Variants in GXYLT1 observed in about 807,000 individuals in gnomAD.
GXYLT1 encodes glucoside xylosyltransferase 1.
Under a neutral mutation model 54.0 loss-of-function variants are expected in GXYLT1, and 29 were observed. The ratio of observed to expected loss-of-function variants is 0.54; its 90% CI spans 0.40 to 0.73. The LOEUF (loss-of-function observed/expected upper bound fraction) is 0.73, where lower values mean the gene tolerates loss of function less well. Among genes scored for constraint, GXYLT1 ranks in the 30% least tolerant of loss-of-function variants. The pLI, the probability that GXYLT1 is intolerant of heterozygous loss-of-function variation, is 0.00. For synonymous variants in GXYLT1, 176 were observed against 204.1 expected, an observed-to-expected ratio of 0.86 and a Z score of 1.17; for missense variants, 490 against 553.4, an observed-to-expected ratio of 0.89 and a Z score of 1.15.
intron 1 of GXYLT1, among the ~76,000 whole-genome samples, chr12:42,135,909 G>A (rs1252765372): frequency 2.0e-5 from 3 of 152,002 alleles, no homozygotes; most frequent in African/African-American, 7.3e-5. Flanking sequence ...TCAAGTTATA[G>A]GTAAATTTAT....
rs891003754 is a variant in GXYLT1 at position 42,094,659 on chromosome 12, GA to G, written c.1161+2782del. Among the ~76,000 whole-genome samples, 144 of 134,622 alleles carry G rather than the reference GA, an allele frequency of 1.1e-3. 1 individual carries two copies. The highest frequency in any genetic ancestry group is 2.3e-3 in the South Asian group (10 of 4,294). The allele number at this position is 134,622 out of a possible 152,430, so 88.3% of individuals were successfully genotyped here. ...GGGTGACAGAGCAAGACCCAGCAGT[GA>G]AAAAAAAAAAAATTGATAAACTTAT... On this transcript the variant is annotated intron_variant, in intron 7 of 7. Transcript: ENST00000398675.
At chr12:42,111,031 A>G (rs2136895555) in intron 3 of GXYLT1, among the ~76,000 whole-genome samples, 1 of 152,336 alleles carries the variant, frequency 6.6e-6, no homozygotes, top group African/African-American at 2.4e-5. Flanking sequence ...TAATGCAATA[A>G]ATGTTTTACT....
chr12:42,115,509 A>G (rs982459040), intron 3 of GXYLT1, among the ~76,000 whole-genome samples: 17 of 152,242 alleles, frequency 1.1e-4, no homozygotes, highest in Admixed American at 6.5e-4. Context: ...GAGCCAAATC[A>G]TGAGTGAACT....
At chr12:42,120,110 T>C (rs2065521740) in intron 2 of GXYLT1, among the ~76,000 whole-genome samples, 1 of 152,152 alleles carries the variant, frequency 6.6e-6, no homozygotes, top group Admixed American at 6.5e-5. Flanking sequence ...GGTCTTTCAT[T>C]CAATTTTTTA....
At chr12:42,126,982 G>A (rs1478213947) in intron 2 of GXYLT1, among the ~76,000 whole-genome samples, 1 of 152,052 alleles carries the variant, frequency 6.6e-6, no homozygotes, top group Non-Finnish European at 1.5e-5. Context: ...AATAGGAGTT[G>A]AGGCCATTTT....
intron 2 of GXYLT1, among the ~76,000 whole-genome samples, chr12:42,127,116 C>T (rs939598917): frequency 2.0e-5 from 3 of 152,014 alleles, no homozygotes; most frequent in African/African-American, 7.3e-5. Flanking sequence ...CTAAGGGCCC[C>T]CTGGTGCCAG....
intron 1 of GXYLT1, among the ~76,000 whole-genome samples, chr12:42,138,221 A>G (rs1231871554): frequency 6.6e-6 from 1 of 152,156 alleles, no homozygotes; most frequent in Non-Finnish European, 1.5e-5. Flanking sequence ...GAGCCGAGAG[A>G]GTGCCACTGC....
Position 42,097,633 on chromosome 12 carries a change from A to T in GXYLT1, c.989-19T>A. The T allele has an allele frequency of 6.3e-7, 1 of 1,594,276 alleles. No homozygotes were observed. The highest frequency in any genetic ancestry group is 1.4e-5 in the African/African-American group (1 of 73,672). On this transcript the variant is annotated intron_variant, in intron 6 of 7. Transcript: ENST00000398675. ...AGGCTTTCTACATAAAGAAAAGACCAAACAATGAAGCAAATACCCCTAATT... is the reference window on the plus strand; with the variant it reads ...AGGCTTTCTACATAAAGAAAAGACCTAACAATGAAGCAAATACCCCTAATT...
In GXYLT1 at chr12:42,141,563, A is replaced by G. The variant is rs994462904; in HGVS notation, c.221+2863T>C. On this transcript the variant is annotated intron_variant, in intron 1 of 7. Coordinates refer to ENST00000398675, the MANE Select transcript of GXYLT1 (RefSeq NM_173601.2). ...CTTTCACCACAAAAAAAAAAACCCT[A>G]TGTGAAGTGATGATATTAACTAGCT... 3.3e-5 allele frequency among the ~76,000 whole-genome samples: 5 copies of G among 151,982 alleles called. No individual in the cohort carries two copies. The East Asian group carries it at 7.7e-4, about 23-fold the overall frequency.
rs1356171375 is a variant in GXYLT1, at chr12:42,084,952, A to G, written c.*2834T>C. 6.6e-6 allele frequency: 1 copy of G among 152,110 alleles called. No individual in the cohort carries two copies. The highest frequency in any genetic ancestry group is 1.5e-5 in the Non-Finnish European group (1 of 67,992). The allele number at this position is 152,110 out of a possible 1,614,324, so 9.4% of individuals were successfully genotyped here. A position where few individuals can be genotyped will look rare whatever the true frequency, so the allele number is the denominator to read the frequency against. On this transcript the variant is annotated 3_prime_UTR_variant, in exon 8 of 8. Coordinates refer to ENST00000398675, the MANE Select transcript of GXYLT1 (RefSeq NM_173601.2). ...TTCTGAGGTCAGAATACATAGACTC[A>G]AATAATAAATCATGTAGTTTATATA...
At chr12:42,098,936 A>C (rs1468420781) in intron 5 of GXYLT1, among the ~76,000 whole-genome samples, 1 of 151,982 alleles carries the variant, frequency 6.6e-6, no homozygotes, top group Admixed American at 6.6e-5. Context: ...AATTCTGTAA[A>C]GAGGCACCAT....
chr12:42,097,454 T>C lies in GXYLT1; in HGVS notation c.1149A>G (p.Glu383=). The part of the protein sequence containing the change: ...DKQPAFRAVY[E]ALRNCSFEDD... ...AGGCAAATCTTACATTTCTCAGTGCTTCATAAACAGCTCTAAATGCTGGTT... is the reference window on the plus strand; with the variant it reads ...AGGCAAATCTTACATTTCTCAGTGCCTCATAAACAGCTCTAAATGCTGGTT... Residue 383 remains glutamate (E), a synonymous_variant, in exon 7 of 8, where the codon GAA becomes GAG. Transcript: ENST00000398675. The C allele has an allele frequency of 6.3e-7, 1 of 1,579,900 alleles. No homozygotes were observed. Among genetic ancestry groups the C allele is most frequent in the Non-Finnish European group, 8.5e-7 (1 of 1,171,930 alleles).
intron 5 of GXYLT1, among the ~76,000 whole-genome samples, chr12:42,101,160 G>A (rs1358704030): frequency 2.6e-5 from 4 of 152,146 alleles, no homozygotes; most frequent in East Asian, 3.9e-4. Context: ...CCAATGAAAA[G>A]CTATGAGAAA....
chr12:42,090,470 T>C (rs952537530), intron 7 of GXYLT1, among the ~76,000 whole-genome samples: 7 of 152,236 alleles, frequency 4.6e-5, no homozygotes, highest in African/African-American at 1.7e-4. Flanking sequence ...AGTTCAAATG[T>C]CAGCTCCTCT....
intron 1 of GXYLT1, among the ~76,000 whole-genome samples, chr12:42,137,247 G>A (rs1024765249): frequency 2.6e-5 from 4 of 151,994 alleles, no homozygotes; most frequent in Non-Finnish European, 4.4e-5. Context: ...AGTGGCTCAC[G>A]CCTGTAATCC....
chr12:42,122,600 A>G lies in GXYLT1; in HGVS notation c.315-3429T>C, dbSNP rs2065537825. Reference sequence around the variant, plus strand: ...GCGAGACTCTTTCAAAAAAATAAATAAAAAGTGAACACATCGTCAAAAAAT... The same window carrying G: ...GCGAGACTCTTTCAAAAAAATAAATGAAAAGTGAACACATCGTCAAAAAAT... On this transcript the variant is annotated intron_variant, in intron 2 of 7. Coordinates refer to ENST00000398675, the MANE Select transcript of GXYLT1 (RefSeq NM_173601.2). 4.6e-5 allele frequency among the ~76,000 whole-genome samples: 7 copies of G among 152,188 alleles called. No individual in the cohort carries two copies. The South Asian group carries it at 1.4e-3, about 31-fold the overall frequency.
chr12:42,086,651 G>A lies in GXYLT1; in HGVS notation c.*1135C>T, dbSNP rs2065295114. ...GATTTAAAAAAATTAACTGTCTTAG[G>A]TGATATTCAAAAATGCACATCAACC... On this transcript the variant is annotated 3_prime_UTR_variant, in exon 8 of 8. Coordinates refer to ENST00000398675, the MANE Select transcript of GXYLT1 (RefSeq NM_173601.2). 6.6e-6 allele frequency: 1 copy of A among 152,054 alleles called. No homozygotes were observed. Among genetic ancestry groups the A allele is most frequent in the Non-Finnish European group, 1.5e-5 (1 of 67,990 alleles). 9.4% of individuals were successfully genotyped at this position (152,054 alleles called of 1,614,324 possible). A position where few individuals can be genotyped will look rare whatever the true frequency, so the allele number is the denominator to read the frequency against.
chr12:42,144,330 A>T, intron 1 of GXYLT1, 96 bp downstream of exon 1: 1 of 732,776 alleles, frequency 1.4e-6, no homozygotes, highest in South Asian at 2.4e-5. Flanking sequence ...AAGACGCGGG[A>T]GACGCGGCAC....
In GXYLT1 at chr12:42,120,837, G is replaced by A. The variant is rs949866897; in HGVS notation, c.315-1666C>T. Reference sequence around the variant, plus strand: ...AGGCATGAGCCAGCGCACCTGGCCAGTTTGGGTCTTTTTAAAGCTCTCTAT... The same window carrying A: ...AGGCATGAGCCAGCGCACCTGGCCAATTTGGGTCTTTTTAAAGCTCTCTAT... On this transcript the variant is annotated intron_variant, in intron 2 of 7. Transcript: ENST00000398675. Among the ~76,000 whole-genome samples the A allele has an allele frequency of 1.3e-3, 197 of 150,840 alleles. 2 individuals carry two copies. The highest frequency in any genetic ancestry group is 4.6e-3 in the African/African-American group (191 of 41,174).
Sources: allele counts gnomAD v4.1 joint callset (sites outside exome capture counted in the v4.1 genomes callset), GRCh38; gene constraint gnomAD v4.1.1; transcripts MANE v1.5; gene names NCBI Gene and HGNC (gene_info 2026-07-23, HGNC 2026-07-21).